Variants in FTO observed in about 807,000 individuals in gnomAD.
FTO encodes the protein alpha-ketoglutarate-dependent dioxygenase FTO.
Under a neutral mutation model 63.9 loss-of-function variants are expected in FTO, and 47 were observed. That is an observed-to-expected ratio of 0.74 (90% CI 0.58 to 0.94). The LOEUF (loss-of-function observed/expected upper bound fraction) is 0.94, where lower values mean the gene tolerates loss of function less well. Ranked by LOEUF, FTO falls within the 40% of genes least tolerant of loss-of-function variation. The pLI is 0.00. For missense variants in FTO, 562 were observed against 618.1 expected, an observed-to-expected ratio of 0.91 and a Z score of 0.96; for synonymous variants, 207 against 224.4, an observed-to-expected ratio of 0.92 and a Z score of 0.69.
intron 1 of FTO, among the ~76,000 whole-genome samples, chr16:53,777,325 G>A (rs1163866648): frequency 6.6e-6 from 1 of 152,016 alleles, no homozygotes; most frequent in African/African-American, 2.4e-5. Context: ...ATTTCACTTA[G>A]CATAATGCCC....
At chr16:53,890,952 G>A (rs551591654) in intron 7 of FTO, among the ~76,000 whole-genome samples, 88 of 151,962 alleles carry the variant, frequency 5.8e-4, no homozygotes, top group African/African-American at 2.1e-3. Context: ...ACAACTCTGT[G>A]AATTAGAGTT....
intron 7 of FTO, among the ~76,000 whole-genome samples, chr16:53,931,298 C>CTTTTTTTTTTTTTTT (rs869204000): frequency 9.8e-6 from 1 of 101,964 alleles, no homozygotes; most frequent in Admixed American, 1.1e-4. Context: ...AACTATGTGA[C>CTTTTTTTTTTTTTTT]TTTTTTTTTT....
chr16:54,018,410 A>ATAGATAGATAGATAGT (rs1390829658), intron 8 of FTO, among the ~76,000 whole-genome samples: 2 of 134,330 alleles, frequency 1.5e-5, no homozygotes, highest in Admixed American at 7.4e-5. Flanking sequence ...AGATAGATAG[A>ATAGATAGATAGATAGT]TACATACATA....
intron 4 of FTO, among the ~76,000 whole-genome samples, chr16:53,864,572 T>C (rs1368623192): frequency 3.3e-5 from 5 of 152,210 alleles, no homozygotes; most frequent in Non-Finnish European, 1.5e-5. Context: ...GCACGCAGCA[T>C]TCAGCCAGCA....
At chr16:54,086,840 A>T (rs543521800) in intron 8 of FTO, among the ~76,000 whole-genome samples, 2 of 152,228 alleles carry the variant, frequency 1.3e-5, no homozygotes, top group Non-Finnish European at 2.9e-5. Flanking sequence ...AAAAGCAAAC[A>T]CTTAGGGGAG....
chr16:53,729,214 C>A (rs940861230), intron 1 of FTO, among the ~76,000 whole-genome samples: 2 of 152,170 alleles, frequency 1.3e-5, no homozygotes, highest in East Asian at 1.9e-4. Flanking sequence ...ATTCCACCCA[C>A]TTCTACCTTG....
At chr16:54,094,421 T>C (rs1224655850) in intron 8 of FTO, among the ~76,000 whole-genome samples, 1 of 152,184 alleles carries the variant, frequency 6.6e-6, no homozygotes, top group Non-Finnish European at 1.5e-5. Flanking sequence ...ACTACGATGT[T>C]TTAAAACTCC....
chr16:53,822,092 A>C (rs74381374), intron 2 of FTO, among the ~76,000 whole-genome samples: 335 of 152,228 alleles, frequency 2.2e-3, no homozygotes, highest in African/African-American at 7.6e-3. Flanking sequence ...AGGAAGTGTA[A>C]TTTTACACTG....
rs915331222 is a variant in FTO at position 54,107,120 on chromosome 16, A to T, written c.1365-4642A>T. 2.0e-5 allele frequency among the ~76,000 whole-genome samples: 3 copies of T among 149,846 alleles called. No homozygotes were observed. The East Asian group carries it at 5.8e-4, about 29-fold the overall frequency. ...TATAAAATAATAGGTATACATATAA[A>T]GCATATGTTTACAATATTTTATGTG... is the stretch of plus-strand genomic sequence containing the variant. On this transcript the variant is annotated intron_variant, in intron 8 of 8. Coordinates refer to ENST00000471389, the MANE Select transcript of FTO (RefSeq NM_001080432.3).
At chr16:54,018,371 TTAGATAGATAGATGATAGATAGA>T (rs142941960) in intron 8 of FTO, among the ~76,000 whole-genome samples, 20,504 of 138,774 alleles carry the variant, frequency 0.15, 1,710 homozygotes, top group Admixed American at 0.29. Flanking sequence ...TGGTTATAGC[TTAGATAGATAGATGATAGATAGA>T]TAGATAGATA....
chr16:53,950,697 C>A (rs1466859399), intron 8 of FTO, among the ~76,000 whole-genome samples: 1 of 152,190 alleles, frequency 6.6e-6, no homozygotes, highest in Non-Finnish European at 1.5e-5. Flanking sequence ...ATTAATAACA[C>A]ACAAATAGAA....
At chr16:53,828,597 G>A (rs556480007) in intron 3 of FTO, among the ~76,000 whole-genome samples, 25 of 152,244 alleles carry the variant, frequency 1.6e-4, no homozygotes, top group African/African-American at 2.9e-4. Context: ...CACCTACTAC[G>A]TGCTACATGC....
At chr16:53,915,125 G>A (rs2081830290) in intron 7 of FTO, among the ~76,000 whole-genome samples, 1 of 152,080 alleles carries the variant, frequency 6.6e-6, no homozygotes, top group Non-Finnish European at 1.5e-5. Context: ...ACTTATCAAT[G>A]GGCAGAATTT....
At chr16:54,045,221 TAAAG>T (rs372057092) in intron 8 of FTO, among the ~76,000 whole-genome samples, 129 of 18,334 alleles carry the variant, frequency 7.0e-3, no homozygotes, top group South Asian at 0.041. Context: ...GCAAGACTAA[TAAAG>T]AAAAAAAGAG....
chr16:54,003,740 C>T (rs1355028398), intron 8 of FTO, among the ~76,000 whole-genome samples: 4 of 152,132 alleles, frequency 2.6e-5, no homozygotes, highest in African/African-American at 9.7e-5. Flanking sequence ...GGCTGTATGT[C>T]ATCTAAACTC....
chr16:53,769,461 GAAGA>G (rs1229386238), intron 1 of FTO, among the ~76,000 whole-genome samples: 1 of 152,134 alleles, frequency 6.6e-6, no homozygotes, highest in Non-Finnish European at 1.5e-5. Context: ...GCATTGTTAT[GAAGA>G]TCAAATAAGT....
At chr16:53,732,587 G>C (rs1422530497) in intron 1 of FTO, among the ~76,000 whole-genome samples, 1 of 152,166 alleles carries the variant, frequency 6.6e-6, no homozygotes, top group Non-Finnish European at 1.5e-5. Context: ...TTCTTATCTT[G>C]CTTTTATTAG....
At chr16:53,924,322 G>C (rs1046634612) in intron 7 of FTO, among the ~76,000 whole-genome samples, 32 of 152,150 alleles carry the variant, frequency 2.1e-4, no homozygotes, top group African/African-American at 7.5e-4. Context: ...TTTCCTCATA[G>C]ACATTCTTGA....
chr16:54,020,551 T>C (rs536074313), intron 8 of FTO, among the ~76,000 whole-genome samples: 5 of 151,934 alleles, frequency 3.3e-5, no homozygotes, highest in Non-Finnish European at 7.4e-5. Context: ...ACTGCTTGAA[T>C]AGATGATGGG....
Sources: allele counts gnomAD v4.1 joint callset (sites outside exome capture counted in the v4.1 genomes callset), GRCh38; gene constraint gnomAD v4.1.1; transcripts MANE v1.5; gene names NCBI Gene and HGNC (gene_info 2026-07-23, HGNC 2026-07-21).